The following KPNA3 variants were observed in gnomAD, a reference collection of about 807,000 sequenced individuals.
KPNA3 encodes karyopherin subunit alpha 3.
KPNA3 carries 13 observed loss-of-function variants against 73.8 expected under a neutral mutation model. The ratio of observed to expected loss-of-function variants is 0.18; its 90% confidence interval spans 0.11 to 0.28. The LOEUF (loss-of-function observed/expected upper bound fraction) is 0.28, where lower values mean the gene tolerates loss of function less well. KPNA3 is among the 10% of genes least tolerant of loss of function. The pLI is 1.00. For synonymous variants in KPNA3, 186 were observed against 206.9 expected, an observed-to-expected ratio of 0.90 and a Z score of 0.87; for missense variants, 360 against 618.1, an observed-to-expected ratio of 0.58 and a Z score of 4.43.
At chr13:49,741,104 A>G (rs1407998361) in intron 2 of KPNA3, among the ~76,000 whole-genome samples, 1 of 152,136 alleles carries the variant, frequency 6.6e-6, no homozygotes, top group Non-Finnish European at 1.5e-5. Flanking sequence ...TAAACATGGG[A>G]GTGCAGGTAT....
chr13:49,780,882 G>A (rs751421353), intron 1 of KPNA3, among the ~76,000 whole-genome samples: 13 of 151,778 alleles, frequency 8.6e-5, no homozygotes, highest in Admixed American at 6.6e-4. Context: ...CACCACACCC[G>A]GCTAATTATT....
At chr13:49,726,823 G>C (rs117394752) in intron 6 of KPNA3, among the ~76,000 whole-genome samples, 4 of 151,866 alleles carry the variant, frequency 2.6e-5, no homozygotes, top group Non-Finnish European at 4.4e-5. Context: ...CACACCTGTA[G>C]TCCCAGCTAC....
intron 2 of KPNA3, among the ~76,000 whole-genome samples, chr13:49,743,475 A>G (rs1432602131): frequency 6.6e-6 from 1 of 152,148 alleles, no homozygotes; most frequent in East Asian, 1.9e-4. Context: ...TAAACTTGAA[A>G]TAAGAAATTG....
At chr13:49,704,528 G>T (rs1954188343) in intron 15 of KPNA3, among the ~76,000 whole-genome samples, 1 of 151,122 alleles carries the variant, frequency 6.6e-6, no homozygotes, top group Non-Finnish European at 1.5e-5. Flanking sequence ...CGGTACTACT[G>T]CATTTGTTTT....
intron 1 of KPNA3, among the ~76,000 whole-genome samples, chr13:49,782,739 C>T (rs1442262806): frequency 1.3e-5 from 2 of 151,914 alleles, no homozygotes; most frequent in Non-Finnish European, 2.9e-5. Context: ...ATTAGCTGGG[C>T]GTGGTGGCGT....
In KPNA3 at chr13:49,710,910, TG is replaced by T; in HGVS notation, c.883del (p.His295IlefsTer17). ...ACTTACTTGAACTTTGACTTCCTGATGGCTCAGAAGGGGCACAAGAAAGGGC... is the reference window on the plus strand; with the variant it reads ...ACTTACTTGAACTTTGACTTCCTGATGCTCAGAAGGGGCACAAGAAAGGGC... The part of the protein sequence containing the change: ...VVPFLVPLLS[H>X]QEVKVQTAAL... On this transcript the variant is annotated frameshift_variant, in exon 11 of 17. Transcript: ENST00000261667. LOFTEE classifies it high-confidence loss of function. 6.2e-7 allele frequency: 1 copy of T among 1,613,268 alleles called. No individual in the cohort carries two copies. Among genetic ancestry groups the T allele is most frequent in the Non-Finnish European group, 8.5e-7 (1 of 1,179,764 alleles).
intron 1 of KPNA3, among the ~76,000 whole-genome samples, chr13:49,776,243 G>A (rs1031845246): frequency 2.0e-5 from 3 of 151,998 alleles, no homozygotes; most frequent in Admixed American, 1.3e-4. Context: ...TAACATCCAA[G>A]TATCAATTCT....
chr13:49,771,441 G>C (rs1954854760), intron 1 of KPNA3, among the ~76,000 whole-genome samples: 1 of 152,044 alleles, frequency 6.6e-6, no homozygotes, highest in African/African-American at 2.4e-5. Context: ...TCTTTGTAAT[G>C]CTGTTGTAAC....
At chr13:49,760,443 GATT>G (rs1954749818) in intron 1 of KPNA3, among the ~76,000 whole-genome samples, 1 of 147,966 alleles carries the variant, frequency 6.8e-6, no homozygotes, top group African/African-American at 2.5e-5. Flanking sequence ...GCAAAATTCA[GATT>G]ATGAGAACCT....
intron 10 of KPNA3, among the ~76,000 whole-genome samples, chr13:49,717,671 A>G (rs1038427497): frequency 6.6e-6 from 1 of 152,204 alleles, no homozygotes; most frequent in African/African-American, 2.4e-5. Context: ...ACGTTTGTAG[A>G]TGATGGAGAT....
At chr13:49,718,212 CAG>C (rs1179394302) in intron 10 of KPNA3, among the ~76,000 whole-genome samples, 1 of 152,188 alleles carries the variant, frequency 6.6e-6, no homozygotes, top group African/African-American at 2.4e-5. Flanking sequence ...AAGGAGTCTA[CAG>C]AGAGATCCAG....
intron 16 of KPNA3, 136 bp downstream of exon 16, chr13:49,702,250 G>C (rs1190248526): frequency 4.0e-5 from 24 of 594,574 alleles, no homozygotes; most frequent in Non-Finnish European, 1.5e-5. Flanking sequence ...AAGAGAAAGT[G>C]ACTGATGGAA....
At chr13:49,785,411 G>C (rs980835114) in intron 1 of KPNA3, among the ~76,000 whole-genome samples, 1 of 152,162 alleles carries the variant, frequency 6.6e-6, no homozygotes, top group South Asian at 2.1e-4. Flanking sequence ...TTCAAATTCA[G>C]GTCACAGTGA....
rs926787267 is a variant in KPNA3, at chr13:49,742,323, C to T, written c.114+4626G>A. Among the ~76,000 whole-genome samples, 4 of 152,048 alleles carry T rather than the reference C, an allele frequency of 2.6e-5. No individual in the cohort carries two copies. In the South Asian group the frequency reaches 8.3e-4, roughly 32 times the overall value. ...TTTCTGTATAACATTATTTCCTTTC[C>T]AGTTACTATGGTTCGATTTCTGAAA... is the stretch of plus-strand genomic sequence containing the variant. On this transcript the variant is annotated intron_variant, in intron 2 of 16. Coordinates refer to ENST00000261667, the MANE Select transcript of KPNA3 (RefSeq NM_002267.4).
At chr13:49,782,390 C>T (rs976685402) in intron 1 of KPNA3, among the ~76,000 whole-genome samples, 1 of 152,184 alleles carries the variant, frequency 6.6e-6, no homozygotes, top group Non-Finnish European at 1.5e-5. Flanking sequence ...CTAATTTCCC[C>T]AGGTACAATC....
In KPNA3 at chr13:49,718,822, G is replaced by A. The variant is rs181113082; in HGVS notation, c.771+953C>T. Among the ~76,000 whole-genome samples, 56 of 152,220 alleles carry A rather than the reference G, an allele frequency of 3.7e-4. 1 individual carries two copies. Among genetic ancestry groups the A allele is most frequent in the African/African-American group, 1.3e-3 (55 of 41,552 alleles). On this transcript the variant is annotated intron_variant, in intron 10 of 16. Transcript: ENST00000261667. ...AAATCTGCAAATGAGCTAGAGTAATGTGATACAATTTTTATATACAAATTA... is the reference window on the plus strand; with the variant it reads ...AAATCTGCAAATGAGCTAGAGTAATATGATACAATTTTTATATACAAATTA...
chr13:49,770,834 C>CAA (rs759842886), intron 1 of KPNA3, among the ~76,000 whole-genome samples: 36 of 85,458 alleles, frequency 4.2e-4, no homozygotes, highest in African/African-American at 1.2e-3. Context: ...ACCCACCTAC[C>CAA]AAAAAAAAAA....
At chr13:49,734,937 A>G (rs1954506693) in intron 2 of KPNA3, among the ~76,000 whole-genome samples, 1 of 114,586 alleles carries the variant, frequency 8.7e-6, no homozygotes, top group Admixed American at 8.7e-5. Context: ...ATATATATAT[A>G]TAGAGAGAGA....
chr13:49,701,945 A>G lies in KPNA3; in HGVS notation c.1468-47T>C, dbSNP rs190798477. On this transcript the variant is annotated intron_variant, in intron 16 of 16. Transcript: ENST00000261667. ...TCCTTATTAGGTTATGATACTATAC[A>G]TTATGATGTAAGTGGAATTGACTTT... The G allele has an allele frequency of 9.4e-5, 118 of 1,250,624 alleles. 2 individuals are homozygous for G. The Admixed American group carries it at 1.7e-3, about 18-fold the overall frequency. 77.5% of individuals were successfully genotyped at this position (1,250,624 alleles called of 1,614,324 possible).
Sources: allele counts gnomAD v4.1 joint callset (sites outside exome capture counted in the v4.1 genomes callset), GRCh38; gene constraint gnomAD v4.1.1; transcripts MANE v1.5; gene names NCBI Gene and HGNC (gene_info 2026-07-23, HGNC 2026-07-21).